BTNL8: variants seen among roughly 807,000 people sequenced by gnomAD.
BTNL8 encodes butyrophilin-like protein 8.
In BTNL8, 22 loss-of-function variants were observed where a neutral mutation model predicts 36.1. The ratio of observed to expected loss-of-function variants is 0.61; its 90% CI spans 0.44 to 0.87. The LOEUF (loss-of-function observed/expected upper bound fraction) is 0.87. Ranked by LOEUF, BTNL8 falls within the 40% of genes least tolerant of loss-of-function variation. The pLI, the probability that BTNL8 is intolerant of heterozygous loss-of-function variation, is 0.00. For missense variants in BTNL8, 526 were observed against 616.9 expected (o/e 0.85, Z 1.56); for synonymous variants, 203 against 235.6 (o/e 0.86, Z 1.27).
Position 180,900,678 on chromosome 5 carries a change from G to C in BTNL8, c.49+1319G>C, listed in dbSNP as rs1561924017. Among the ~76,000 whole-genome samples the C allele has an allele frequency of 2.0e-5, 3 of 152,196 alleles. 1 individual carries two copies. The highest frequency in any genetic ancestry group is 4.8e-5 in the African/African-American group (2 of 41,462). ...ACCTAAGACAAGGGCCTTCCTGCCAGTGATTCGTTGAGCAGGTGATTCTGG... is the reference window on the plus strand; with the variant it reads ...ACCTAAGACAAGGGCCTTCCTGCCACTGATTCGTTGAGCAGGTGATTCTGG... On this transcript the variant is annotated intron_variant, in intron 1 of 7. Coordinates refer to ENST00000340184, the MANE Select transcript of BTNL8 (RefSeq NM_001040462.3).
intron 1 of BTNL8, among the ~76,000 whole-genome samples, chr5:180,907,408 CTAGTTA>C (rs1398634711): frequency 7.3e-6 from 1 of 136,664 alleles, no homozygotes; most frequent in African/African-American, 3.3e-5. Context: ...ATTGGTTATT[CTAGTTA>C]TACATTCTTC....
chr5:180,930,227 G>A (rs977356173), intron 3 of BTNL8, among the ~76,000 whole-genome samples: 2 of 152,176 alleles, frequency 1.3e-5, no homozygotes, highest in African/African-American at 4.8e-5. Flanking sequence ...TATCTCAATA[G>A]ATGCAGAAAA....
Position 180,899,240 on chromosome 5 carries a change from C to G in BTNL8, c.-71C>G. On this transcript the variant is annotated 5_prime_UTR_variant, in exon 1 of 8. Transcript: ENST00000340184. Reference sequence around the variant, plus strand: ...TGAGCATTAGGCCAGTTCTCCTCTTCTCTCTAATCCATCCGTCACCTCTCC... The same window carrying G: ...TGAGCATTAGGCCAGTTCTCCTCTTGTCTCTAATCCATCCGTCACCTCTCC... 2.5e-6 allele frequency: 4 copies of G among 1,570,160 alleles called. No homozygotes were observed. In the Middle Eastern group the frequency reaches 6.9e-4, roughly 272 times the overall value.
rs183717240 is a variant in BTNL8, at chr5:180,923,651, T to C, written c.673+12037T>C. Reference sequence around the variant, plus strand: ...AACAATATGCTGGAATAGTAATCATTGCAAAAAAAGAAAGAAAGTGAAAAA... The same window carrying C: ...AACAATATGCTGGAATAGTAATCATCGCAAAAAAAGAAAGAAAGTGAAAAA... On this transcript the variant is annotated intron_variant, in intron 3 of 7. Coordinates refer to ENST00000340184, the MANE Select transcript of BTNL8 (RefSeq NM_001040462.3). 6.5e-4 allele frequency among the ~76,000 whole-genome samples: 99 copies of C among 151,844 alleles called. No individual in the cohort carries two copies. In the South Asian group the frequency reaches 9.6e-3, roughly 15 times the overall value.
At chr5:180,901,319 C>T (rs565104363) in intron 1 of BTNL8, among the ~76,000 whole-genome samples, 50 of 152,230 alleles carry the variant, frequency 3.3e-4, no homozygotes, top group Non-Finnish European at 5.9e-4. Flanking sequence ...TATCCATATA[C>T]CATAAATGGA....
intron 3 of BTNL8, among the ~76,000 whole-genome samples, chr5:180,912,970 G>GAGTGCCCTGAA (rs1561931836): frequency 6.6e-6 from 1 of 152,156 alleles, no homozygotes; most frequent in African/African-American, 2.4e-5. Context: ...AAGCTTCCAT[G>GAGTGCCCTGAA]AGTGCCCTGA....
At position 180,914,516 on chromosome 5, in the gene BTNL8, G is replaced by GA. The variant is rs1757538520; in HGVS notation, c.673+2907dup. ...ATCACAATATAATTAAATTCAATGAGAAAAAGAAAAACAATTTAATATTCA... is the reference window on the plus strand; with the variant it reads ...ATCACAATATAATTAAATTCAATGAGAAAAAAGAAAAACAATTTAATATTCA... On this transcript the variant is annotated intron_variant, in intron 3 of 7. Transcript: ENST00000340184. Among the ~76,000 whole-genome samples the GA allele has an allele frequency of 2.0e-5, 3 of 151,958 alleles. No individual in the cohort carries two copies. In the South Asian group the frequency reaches 6.2e-4, roughly 31 times the overall value.
intron 3 of BTNL8, among the ~76,000 whole-genome samples, chr5:180,939,476 G>C (rs1178058480): frequency 6.6e-6 from 1 of 152,106 alleles, no homozygotes; most frequent in Non-Finnish European, 1.5e-5. Flanking sequence ...ATTATTTAAT[G>C]ATAAAGGGGT....
intron 1 of BTNL8, among the ~76,000 whole-genome samples, chr5:180,899,766 T>G (rs780412483): frequency 1.3e-5 from 2 of 152,172 alleles, no homozygotes; most frequent in Non-Finnish European, 2.9e-5. Context: ...ATGTCTGTGG[T>G]ATGAGACACG....
chr5:180,901,207 C>G (rs1010395209), intron 1 of BTNL8, among the ~76,000 whole-genome samples: 1 of 152,180 alleles, frequency 6.6e-6, no homozygotes, highest in South Asian at 2.1e-4. Flanking sequence ...TGTAATTAAA[C>G]TAAAAAATTA....
At chr5:180,920,426 T>A (rs1293488504) in intron 3 of BTNL8, among the ~76,000 whole-genome samples, 1 of 151,744 alleles carries the variant, frequency 6.6e-6, no homozygotes, top group African/African-American at 2.4e-5. Flanking sequence ...ATATTTTCCA[T>A]CACACACAAA....
At chr5:180,923,741 A>G (rs1757973655) in intron 3 of BTNL8, among the ~76,000 whole-genome samples, 1 of 152,218 alleles carries the variant, frequency 6.6e-6, no homozygotes, top group Non-Finnish European at 1.5e-5. Flanking sequence ...ATGATAATAC[A>G]CATTGGAAAT....
rs775865141 is a variant in BTNL8, at chr5:180,908,684, G to A, written c.148G>A (p.Ala50Thr). 3.7e-6 allele frequency: 6 copies of A among 1,614,104 alleles called. No individual in the cohort carries two copies. The South Asian group carries it at 6.6e-5, about 18-fold the overall frequency. The change falls in exon 2 of 8, where the codon GCC (alanine) becomes ACC (threonine). Residue 50 changes from alanine to threonine, a missense_variant. Transcript: ENST00000340184. ...CCTGTCTCCTAAGACCAATGCAGAG[G>A]CCATGGAAGTGCGGTTCTTCAGGGG... ...CFLSPKTNAE[A>T]MEVRFFRGQF...
chr5:180,929,471 A>G (rs35031835), intron 3 of BTNL8, among the ~76,000 whole-genome samples: 36,610 of 152,106 alleles, frequency 0.24, 5,035 homozygotes, highest in Admixed American at 0.3. Flanking sequence ...ATAAGAGCAG[A>G]ACTGAAGGAA....
intron 3 of BTNL8, among the ~76,000 whole-genome samples, chr5:180,937,653 T>A (rs2113845616): frequency 6.6e-6 from 1 of 152,266 alleles, no homozygotes; most frequent in South Asian, 2.1e-4. Context: ...ATAATGTTAT[T>A]CCATAAAATT....
chr5:180,921,500 A>G (rs968342545), intron 3 of BTNL8, among the ~76,000 whole-genome samples: 3 of 152,020 alleles, frequency 2.0e-5, no homozygotes, highest in African/African-American at 4.8e-5. Flanking sequence ...GAGGGGAGGG[A>G]AAAATGGGAA....
chr5:180,924,822 G>T (rs1277457971), intron 3 of BTNL8, among the ~76,000 whole-genome samples: 1 of 152,152 alleles, frequency 6.6e-6, no homozygotes, highest in Non-Finnish European at 1.5e-5. Context: ...CCTGAAATAT[G>T]CAAGTCTATG....
chr5:180,934,789 G>A (rs1268766299), intron 3 of BTNL8, among the ~76,000 whole-genome samples: 1 of 152,206 alleles, frequency 6.6e-6, no homozygotes, highest in Admixed American at 6.5e-5. Context: ...TCCTGGAAGG[G>A]CTGCAGCTCT....
chr5:180,906,590 G>A lies in BTNL8; in HGVS notation c.50-1996G>A, dbSNP rs1220666819. 4.1e-5 allele frequency among the ~76,000 whole-genome samples: 5 copies of A among 120,610 alleles called. 1 individual carries two copies. The highest frequency in any genetic ancestry group is 8.0e-5 in the Admixed American group (1 of 12,508). The allele number at this position is 120,610 out of a possible 152,430, so 79.1% of individuals were successfully genotyped here. On this transcript the variant is annotated intron_variant, in intron 1 of 7. Coordinates refer to ENST00000340184, the MANE Select transcript of BTNL8 (RefSeq NM_001040462.3). ...ATGATGTTAGCTGGTTATTTTGCTCGTTAGTTGATGCAGTTTCTTCCTACT... is the reference window on the plus strand; with the variant it reads ...ATGATGTTAGCTGGTTATTTTGCTCATTAGTTGATGCAGTTTCTTCCTACT...
Sources: allele counts gnomAD v4.1 joint callset (sites outside exome capture counted in the v4.1 genomes callset), GRCh38; gene constraint gnomAD v4.1.1; transcripts MANE v1.5; gene names NCBI Gene and HGNC (gene_info 2026-07-23, HGNC 2026-07-21).